The following MAST2 variants were observed in gnomAD, a reference collection of about 807,000 sequenced individuals.
The protein encoded by MAST2 is microtubule-associated serine/threonine-protein kinase 2.
MAST2 carries 70 observed loss-of-function variants against 147.4 expected under a neutral mutation model. The observed-to-expected ratio is 0.47, with a 90% confidence interval of 0.39 to 0.58. MAST2 has a LOEUF of 0.58. Ranked by LOEUF, MAST2 falls within the 20% of genes least tolerant of loss-of-function variation. The pLI is 0.00. For missense variants in MAST2, 2,080 were observed against 2,302.3 expected, an observed-to-expected ratio of 0.90 and a Z score of 1.98; for synonymous variants, 869 against 896.8, an observed-to-expected ratio of 0.97 and a Z score of 0.55.
At chr1:45,984,869 A>G (rs1231409144) in intron 5 of MAST2, among the ~76,000 whole-genome samples, 1 of 152,156 alleles carries the variant, frequency 6.6e-6, no homozygotes, top group African/African-American at 2.4e-5. Flanking sequence ...AAAATCCATA[A>G]AAATGAGTAA....
intron 2 of MAST2, 99 bp from the exon 3 acceptor site, chr1:45,829,340 C>T: frequency 2.0e-6 from 2 of 995,744 alleles, no homozygotes; most frequent in South Asian, 2.3e-5. Flanking sequence ...TACTTTGTAT[C>T]AGTATGGTTT....
chr1:46,006,450 AT>A, intron 8 of MAST2, 55 bp downstream of exon 8: 4 of 1,572,892 alleles, frequency 2.5e-6, no homozygotes, highest in Non-Finnish European at 3.5e-6. Flanking sequence ...GCTTGTTTGC[AT>A]AACACAGAGG....
chr1:45,899,967 C>T (rs1007085506), intron 4 of MAST2, among the ~76,000 whole-genome samples: 1 of 151,376 alleles, frequency 6.6e-6, no homozygotes, highest in Non-Finnish European at 1.5e-5. Context: ...GTCAGGAGTT[C>T]AAGAACAGCC....
At chr1:45,916,639 T>C (rs1224556430) in intron 4 of MAST2, among the ~76,000 whole-genome samples, 5 of 152,220 alleles carry the variant, frequency 3.3e-5, no homozygotes, top group Non-Finnish European at 1.5e-5. Context: ...ATATAATCAA[T>C]AATTTATAAA....
intron 3 of MAST2, among the ~76,000 whole-genome samples, chr1:45,830,021 A>AT (rs918721818): frequency 9.4e-5 from 14 of 149,444 alleles, no homozygotes; most frequent in African/African-American, 3.5e-4. Flanking sequence ...CCCCTGGCTA[A>AT]TTTTTTTGTA....
intron 3 of MAST2, among the ~76,000 whole-genome samples, chr1:45,880,739 G>A (rs115483463): frequency 3.9e-5 from 6 of 152,170 alleles, no homozygotes; most frequent in African/African-American, 1.4e-4. Flanking sequence ...TCAGCACTGT[G>A]GGAGACCAAG....
chr1:45,908,469 G>T (rs1166222820), intron 4 of MAST2, among the ~76,000 whole-genome samples: 1 of 151,920 alleles, frequency 6.6e-6, no homozygotes, highest in Non-Finnish European at 1.5e-5. Context: ...TCCATAATTT[G>T]GTGTGTGTGT....
At chr1:46,024,098 CCTTTGG>C (rs1646302818) in intron 15 of MAST2, 118 bp downstream of exon 15, 12 of 970,878 alleles carry the variant, frequency 1.2e-5, no homozygotes, top group African/African-American at 3.2e-5. Flanking sequence ...TTCCAGTCCA[CCTTTGG>C]CATTGGTTTC....
In MAST2 at chr1:45,978,743, T is replaced by C. The variant is rs187027384; in HGVS notation, c.593-18981T>C. On this transcript the variant is annotated intron_variant, in intron 5 of 28. Transcript: ENST00000361297. ...AACTAGAACACAAACGGACACATAT[T>C]ATATAATCTCATTTCTATGAAATGT... Among the ~76,000 whole-genome samples the C allele has an allele frequency of 5.8e-4, 88 of 152,280 alleles. 1 individual carries two copies. The East Asian group carries it at 0.014, about 24-fold the overall frequency.
At chr1:46,033,218 G>T (rs1646751629) in intron 26 of MAST2, among the ~76,000 whole-genome samples, 1 of 151,180 alleles carries the variant, frequency 6.6e-6, no homozygotes, top group South Asian at 2.1e-4. Context: ...TTTGCAGTGA[G>T]CTGAGGTCAT....
chr1:45,981,134 C>T (rs559194572), intron 5 of MAST2, among the ~76,000 whole-genome samples: 23 of 151,962 alleles, frequency 1.5e-4, no homozygotes, highest in African/African-American at 3.9e-4. Flanking sequence ...TGCAGTGACG[C>T]GATCTCGGCT....
intron 3 of MAST2, among the ~76,000 whole-genome samples, chr1:45,875,624 CG>C (rs898065236): frequency 6.6e-6 from 1 of 151,610 alleles, no homozygotes; most frequent in African/African-American, 2.4e-5. Flanking sequence ...GGCTTGTGCC[CG>C]GGGAAGTAGA....
At chr1:45,816,188 T>G in intron 1 of MAST2, among the ~76,000 whole-genome samples, 1 of 83,284 alleles carries the variant, frequency 1.2e-5, no homozygotes, top group Non-Finnish European at 2.6e-5. Context: ...AAAGGCAGCT[T>G]GGTATTGGGG....
chr1:46,034,513 TC>T, intron 28 of MAST2, 24 bp from the exon 29 acceptor site: 1 of 1,599,670 alleles, frequency 6.3e-7, no homozygotes, highest in Non-Finnish European at 8.5e-7. Context: ...CTTTTGTCTG[TC>T]TGTCTGTCTG....
intron 1 of MAST2, among the ~76,000 whole-genome samples, chr1:45,824,181 C>T (rs72891016): frequency 1.3e-3 from 202 of 152,246 alleles, no homozygotes; most frequent in African/African-American, 4.7e-3. Context: ...TATATCCTGT[C>T]AAAATGTCTG....
chr1:46,032,687 T>C lies in MAST2; in HGVS notation c.3506T>C (p.Val1169Ala), dbSNP rs1244788111. Residue 1169 changes from valine to alanine, a missense_variant, in exon 26 of 29, where the codon GTG becomes GCG. Physicochemically the swap from Val to Ala is moderately conservative, Grantham distance 64 (BLOSUM62 0). Coordinates refer to ENST00000361297, the MANE Select transcript of MAST2 (RefSeq NM_015112.3). ...AATGGGGAACCTGTGCATGGCCTGG[T>C]GCACACGGAGGTGGTAGAGCTGATC... ...HVNGEPVHGL[V>A]HTEVVELILK... The C allele has an allele frequency of 1.9e-6, 3 of 1,614,130 alleles. No homozygotes were observed. Among genetic ancestry groups the C allele is most frequent in the South Asian group, 2.2e-5 (2 of 91,078 alleles).
intron 4 of MAST2, among the ~76,000 whole-genome samples, chr1:45,918,462 G>A (rs1652912352): frequency 6.6e-6 from 1 of 152,172 alleles, no homozygotes; most frequent in Non-Finnish European, 1.5e-5. Flanking sequence ...TTTTGAGATA[G>A]AGTTTCGCTC....
chr1:45,810,439 C>G (rs78185048), intron 1 of MAST2, among the ~76,000 whole-genome samples: 1,557 of 152,218 alleles, frequency 0.01, 18 homozygotes, highest in East Asian at 0.034. Context: ...TTGCCAGACC[C>G]AGAGCTTTAC....
At chr1:45,919,744 A>G (rs992082343) in intron 4 of MAST2, among the ~76,000 whole-genome samples, 1 of 151,698 alleles carries the variant, frequency 6.6e-6, no homozygotes, top group Non-Finnish European at 1.5e-5. Flanking sequence ...CTCAGAACAC[A>G]CAACCTGGAG....
Sources: gnomAD v4.1 joint callset for allele counts (sites outside exome capture counted in the v4.1 genomes callset) on GRCh38, gnomAD v4.1.1 for gene constraint, MANE v1.5 for transcripts, NCBI Gene and HGNC (gene_info 2026-07-23, HGNC 2026-07-21) for gene names.